KCNB2: variants seen among roughly 807,000 people sequenced by gnomAD.
KCNB2 encodes delayed rectifier potassium channel protein.
A neutral mutation model predicts 61.5 loss-of-function variants in KCNB2; 15 were observed. The observed-to-expected ratio is 0.24, with a 90% CI of 0.16 to 0.38. KCNB2 has a LOEUF of 0.38. Among genes scored for constraint, KCNB2 ranks in the 10% least tolerant of loss-of-function variants. KCNB2 has a pLI of 1.00. For synonymous variants in KCNB2, 457 were observed against 446.0 expected (o/e 1.02, Z -0.31); for missense variants, 828 against 1,125.2 (o/e 0.74, Z 3.78).
intron 1 of KCNB2, among the ~76,000 whole-genome samples, chr8:72,549,811 A>G (rs866139131): frequency 6.6e-6 from 1 of 152,100 alleles, no homozygotes; most frequent in Admixed American, 6.5e-5. Flanking sequence ...TCTCTAATCA[A>G]TCAGTATTAT....
At chr8:72,578,712 A>G (rs1806843216) in intron 2 of KCNB2, among the ~76,000 whole-genome samples, 1 of 152,228 alleles carries the variant, frequency 6.6e-6, no homozygotes, top group Admixed American at 6.5e-5. Context: ...TTTGATAGGC[A>G]GATTTTAACA....
chr8:72,627,655 C>G (rs904666167), intron 2 of KCNB2, among the ~76,000 whole-genome samples: 3 of 152,160 alleles, frequency 2.0e-5, no homozygotes, highest in African/African-American at 7.2e-5. Flanking sequence ...CACACAGGCT[C>G]ACACCTCAAA....
chr8:72,672,545 ATC>A (rs1477251216), intron 2 of KCNB2, among the ~76,000 whole-genome samples: 1 of 152,198 alleles, frequency 6.6e-6, no homozygotes, highest in Non-Finnish European at 1.5e-5. Flanking sequence ...ATGTATTTTT[ATC>A]ATAATTGGTC....
At chr8:72,733,895 A>G (rs1807794056) in intron 2 of KCNB2, among the ~76,000 whole-genome samples, 1 of 151,938 alleles carries the variant, frequency 6.6e-6, no homozygotes, top group South Asian at 2.1e-4. Context: ...AGTGAACTAA[A>G]TCTGTGCAAG....
chr8:72,700,260 C>T (rs1807094884), intron 2 of KCNB2, among the ~76,000 whole-genome samples: 1 of 151,920 alleles, frequency 6.6e-6, no homozygotes, highest in African/African-American at 2.4e-5. Flanking sequence ...GTCTTAAAAC[C>T]CAGATGATGA....
chr8:72,733,132 G>T (rs1290743966), intron 2 of KCNB2, among the ~76,000 whole-genome samples: 1 of 152,150 alleles, frequency 6.6e-6, no homozygotes, highest in Non-Finnish European at 1.5e-5. Context: ...GAAGGTTATT[G>T]TTATTTAGTC....
intron 1 of KCNB2, among the ~76,000 whole-genome samples, chr8:72,561,741 A>AGATGTG (rs1806527578): frequency 3.7e-5 from 1 of 26,902 alleles, no homozygotes; most frequent in African/African-American, 2.8e-4. Context: ...ATATCTATAT[A>AGATGTG]TATATGTATA....
At chr8:72,698,285 C>A (rs868114503) in intron 2 of KCNB2, among the ~76,000 whole-genome samples, 1 of 138,140 alleles carries the variant, frequency 7.2e-6, no homozygotes, top group African/African-American at 2.8e-5. Context: ...CACACACACA[C>A]AAATACCTAG....
At chr8:72,904,664 A>AT (rs1806143362) in intron 2 of KCNB2, among the ~76,000 whole-genome samples, 1 of 151,912 alleles carries the variant, frequency 6.6e-6, no homozygotes, top group East Asian at 1.9e-4. Context: ...TATTTTTTTA[A>AT]TTTTTTTATT....
At chr8:72,575,600 T>A (rs1378398818) in intron 2 of KCNB2, among the ~76,000 whole-genome samples, 1 of 152,162 alleles carries the variant, frequency 6.6e-6, no homozygotes, top group Non-Finnish European at 1.5e-5. Flanking sequence ...TTTTATTGAA[T>A]GCTAAATATT....
intron 2 of KCNB2, among the ~76,000 whole-genome samples, chr8:72,844,439 T>A (rs1207208574): frequency 6.6e-6 from 1 of 152,038 alleles, no homozygotes; most frequent in Non-Finnish European, 1.5e-5. Context: ...TCTCGAGGAG[T>A]ATCTTTGTAG....
chr8:72,546,241 C>T (rs904115382), intron 1 of KCNB2, among the ~76,000 whole-genome samples: 14 of 152,092 alleles, frequency 9.2e-5, no homozygotes, highest in Admixed American at 2.0e-4. Flanking sequence ...GTGGGCCGGG[C>T]GCAGTGGCTC....
chr8:72,587,444 C>T (rs971840882), intron 2 of KCNB2, among the ~76,000 whole-genome samples: 6 of 152,182 alleles, frequency 3.9e-5, no homozygotes, highest in African/African-American at 1.4e-4. Context: ...AAATGTAGGG[C>T]CAGCTGCAGT....
intron 2 of KCNB2, among the ~76,000 whole-genome samples, chr8:72,919,282 C>A (rs1806459448): frequency 6.6e-6 from 1 of 152,090 alleles, no homozygotes; most frequent in Non-Finnish European, 1.5e-5. Context: ...CATAGCCCTG[C>A]CCACTAAGTC....
rs58196652 is a variant in KCNB2 at position 72,564,505 on chromosome 8, T to G, written c.-93-3137T>G. ...TGTGGACAATTCAATGATTGATTGT[T>G]GAGATGACAGTGTACCTACAACTAA... On this transcript the variant is annotated intron_variant, in intron 1 of 2. Coordinates refer to ENST00000523207, the MANE Select transcript of KCNB2 (RefSeq NM_004770.3). Among the ~76,000 whole-genome samples, 1,408 of 152,324 alleles carry G rather than the reference T, an allele frequency of 9.2e-3. 29 individuals carry two copies. Among genetic ancestry groups the G allele is most frequent in the African/African-American group, 0.032 (1,312 of 41,568 alleles).
intron 2 of KCNB2, among the ~76,000 whole-genome samples, chr8:72,676,064 G>T (rs930214106): frequency 6.6e-6 from 1 of 152,108 alleles, no homozygotes. Context: ...ATTGCAAACT[G>T]GTTGAGTTGT....
chr8:72,580,707 C>T (rs1806877983), intron 2 of KCNB2, among the ~76,000 whole-genome samples: 1 of 152,146 alleles, frequency 6.6e-6, no homozygotes, highest in Non-Finnish European at 1.5e-5. Context: ...AGTTCTCTTA[C>T]CTTTACTTAT....
At chr8:72,619,200 C>T (rs1414296965) in intron 2 of KCNB2, 3 of 493,450 alleles carry the variant, frequency 6.1e-6, no homozygotes, top group Non-Finnish European at 1.2e-5. Context: ...TCGAATTATT[C>T]ACTGCAGGGA....
intron 2 of KCNB2, among the ~76,000 whole-genome samples, chr8:72,837,914 A>G (rs1809808628): frequency 6.6e-6 from 1 of 152,200 alleles, no homozygotes; most frequent in Admixed American, 6.5e-5. Context: ...GCCTGCATGC[A>G]TATTTAAACA....
Sources: allele counts gnomAD v4.1 joint callset (sites outside exome capture counted in the v4.1 genomes callset), GRCh38; gene constraint gnomAD v4.1.1; transcripts MANE v1.5; gene names NCBI Gene and HGNC (gene_info 2026-07-23, HGNC 2026-07-21).